CA8: variants seen among roughly 807,000 people sequenced by gnomAD.
The protein encoded by CA8 is carbonic anhydrase 8 (inactive), also known as carbonic anhydrase-related protein.
CA8 carries 22 observed loss-of-function variants against 41.4 expected under a neutral mutation model. That is an observed-to-expected ratio of 0.53 (90% confidence interval 0.38 to 0.76). The LOEUF is 0.76. Among genes scored for constraint, CA8 ranks in the 30% least tolerant of loss-of-function variants. The pLI is 0.00. For synonymous variants in CA8, 121 were observed against 130.6 expected (o/e 0.93, Z 0.50); for missense variants, 270 against 352.8 (o/e 0.77, Z 1.88).
intron 8 of CA8, among the ~76,000 whole-genome samples, chr8:60,195,601 T>C (rs928555428): frequency 1.1e-4 from 17 of 152,198 alleles, no homozygotes; most frequent in South Asian, 4.1e-4. Context: ...CTTTGTCCTG[T>C]ACACTAGTGG....
rs1342105502 is a variant in CA8 at position 60,189,406 on chromosome 8, G to A, written c.*615C>T. Reference sequence around the variant, plus strand: ...TCAACTATGTAGTAATACCTAAAGTGAGTATTATGTTGCTGCATTAATGCC... The same window carrying A: ...TCAACTATGTAGTAATACCTAAAGTAAGTATTATGTTGCTGCATTAATGCC... On this transcript the variant is annotated 3_prime_UTR_variant, in exon 9 of 9. Coordinates refer to ENST00000317995, the MANE Select transcript of CA8 (RefSeq NM_004056.6). 6.6e-6 allele frequency: 1 copy of A among 152,104 alleles called. No individual in the cohort carries two copies. Among genetic ancestry groups the A allele is most frequent in the Non-Finnish European group, 1.5e-5 (1 of 68,028 alleles). 9.4% of individuals were successfully genotyped at this position (152,104 alleles called of 1,614,324 possible).
chr8:60,202,965 A>G (rs1479765857), intron 8 of CA8, among the ~76,000 whole-genome samples: 4 of 152,194 alleles, frequency 2.6e-5, no homozygotes. Flanking sequence ...CTACGTAGAC[A>G]TTTATAGTCT....
Position 60,185,814 on chromosome 8 carries a change from G to C in CA8, c.*4207C>G, listed in dbSNP as rs571262225. 1.3e-4 allele frequency among the ~76,000 whole-genome samples: 19 copies of C among 151,924 alleles called. No individual in the cohort carries two copies. Among genetic ancestry groups the C allele is most frequent in the Non-Finnish European group, 2.6e-4 (18 of 67,932 alleles). On this transcript the variant is annotated 3_prime_UTR_variant, in exon 9 of 9. Coordinates refer to ENST00000317995, the MANE Select transcript of CA8 (RefSeq NM_004056.6). The stretch of plus-strand genomic sequence containing the variant: ...TATATTAAAAAAAGGACTTCTGCCT[G>C]GAATGAAGTGACCCCAGATACTAAT...
At chr8:60,266,138 TGCTCTCATGG>T (rs1340733883) in intron 2 of CA8, 89 bp from the exon 3 acceptor site, 1 of 1,239,292 alleles carries the variant, frequency 8.1e-7, no homozygotes, top group African/African-American at 1.5e-5. Flanking sequence ...TCCACCAAAA[TGCTCTCATGG>T]GCTCTACAGA....
chr8:60,232,021 G>A (rs559943489), intron 4 of CA8, among the ~76,000 whole-genome samples: 34 of 152,048 alleles, frequency 2.2e-4, no homozygotes, highest in Middle Eastern at 3.4e-3. Flanking sequence ...CTACCTTCAG[G>A]AGTCATTTTC....
chr8:60,232,561 TG>T (rs1807691434), intron 3 of CA8, 182 bp from the exon 4 acceptor site: 6 of 659,024 alleles, frequency 9.1e-6, no homozygotes, highest in Admixed American at 4.2e-5. Flanking sequence ...TTCTTATTTC[TG>T]AACAGAAGCA....
intron 3 of CA8, among the ~76,000 whole-genome samples, chr8:60,254,139 G>A (rs1808542248): frequency 6.6e-6 from 1 of 152,180 alleles, no homozygotes; most frequent in Non-Finnish European, 1.5e-5. Flanking sequence ...AAACCAGACT[G>A]TAGAATCATT....
At chr8:60,227,206 G>A (rs111578394) in intron 4 of CA8, among the ~76,000 whole-genome samples, 1 of 151,874 alleles carries the variant, frequency 6.6e-6, no homozygotes, top group Admixed American at 6.6e-5. Flanking sequence ...AAGAAGAATC[G>A]CTTGAACCCA....
chr8:60,190,330 C>T (rs1449596343), intron 8 of CA8, among the ~76,000 whole-genome samples: 4 of 150,394 alleles, frequency 2.7e-5, no homozygotes, highest in Non-Finnish European at 5.9e-5. Context: ...ATTCATTTCA[C>T]ATATAATAAT....
At chr8:60,246,932 G>A (rs1346496996) in intron 3 of CA8, among the ~76,000 whole-genome samples, 2 of 136,888 alleles carry the variant, frequency 1.5e-5, no homozygotes, top group Non-Finnish European at 3.0e-5. Context: ...CCCCCAGGCT[G>A]GAGTTCAGTG....
At chr8:60,241,901 T>C (rs928912290) in intron 3 of CA8, among the ~76,000 whole-genome samples, 2 of 152,340 alleles carry the variant, frequency 1.3e-5, no homozygotes, top group African/African-American at 4.8e-5. Context: ...GATCTGTTCA[T>C]TCTATACAGT....
intron 3 of CA8, among the ~76,000 whole-genome samples, chr8:60,247,000 CA>C (rs937065121): frequency 5.3e-5 from 8 of 150,982 alleles, no homozygotes; most frequent in Admixed American, 5.3e-4. Context: ...TCTCCTGCCT[CA>C]GCCTCCCGAG....
intron 3 of CA8, among the ~76,000 whole-genome samples, chr8:60,263,674 G>A (rs374254766): frequency 2.0e-5 from 3 of 152,226 alleles, no homozygotes; most frequent in East Asian, 3.8e-4. Flanking sequence ...GTAGTCCCCT[G>A]TATGAGCCAA....
chr8:60,260,379 G>A (rs1563376253), intron 3 of CA8, among the ~76,000 whole-genome samples: 1 of 152,186 alleles, frequency 6.6e-6, no homozygotes. Context: ...CTGTAAGGCA[G>A]GGGCAGGGTG....
rs910243596 is a variant in CA8, at chr8:60,188,817, T to C, written c.*1204A>G. ...ATCTGGTGTGATTTTCATTTGTATT[T>C]AATGCTTCCATTATTACCGTCTCTA... On this transcript the variant is annotated 3_prime_UTR_variant, in exon 9 of 9. Coordinates refer to ENST00000317995, the MANE Select transcript of CA8 (RefSeq NM_004056.6). The C allele has an allele frequency of 6.6e-6, 1 of 152,210 alleles. No individual in the cohort carries two copies. The highest frequency in any genetic ancestry group is 1.5e-5 in the Non-Finnish European group (1 of 68,042). The allele number at this position is 152,210 out of a possible 1,614,324, so 9.4% of individuals were successfully genotyped here.
At chr8:60,276,557 A>G (rs1804242702) in intron 2 of CA8, among the ~76,000 whole-genome samples, 1 of 152,210 alleles carries the variant, frequency 6.6e-6, no homozygotes, top group African/African-American at 2.4e-5. Context: ...CAACAGTTGC[A>G]GTTGTAATAA....
In CA8 at chr8:60,280,140, G is replaced by A. The variant is rs146862169; in HGVS notation, c.101-260C>T. 1.4e-3 allele frequency among the ~76,000 whole-genome samples: 206 copies of A among 152,202 alleles called. 2 individuals carry two copies. In the Middle Eastern group the frequency reaches 0.014, roughly 10 times the overall value. ...TGTCAACAAAGACATAATAATTTAT[G>A]ATTCTAGGAAATTTGGGTCATTTTT... On this transcript the variant is annotated intron_variant, in intron 1 of 8. Coordinates refer to ENST00000317995, the MANE Select transcript of CA8 (RefSeq NM_004056.6).
intron 8 of CA8, among the ~76,000 whole-genome samples, chr8:60,207,459 ATC>A (rs1196720582): frequency 2.6e-5 from 4 of 152,106 alleles, no homozygotes; most frequent in Non-Finnish European, 5.9e-5. Context: ...GTTGACAGGC[ATC>A]TCTCACTCAC....
At chr8:60,278,256 A>G (rs1804303277) in intron 2 of CA8, among the ~76,000 whole-genome samples, 1 of 152,188 alleles carries the variant, frequency 6.6e-6, no homozygotes, top group Non-Finnish European at 1.5e-5. Context: ...TGCTCCCACA[A>G]CCCTTTGTAA....
Sources: gnomAD v4.1 joint callset for allele counts (sites outside exome capture counted in the v4.1 genomes callset) on GRCh38, gnomAD v4.1.1 for gene constraint, MANE v1.5 for transcripts, NCBI Gene and HGNC (gene_info 2026-07-23, HGNC 2026-07-21) for gene names.